Variants in NKIRAS1 observed in about 807,000 individuals in gnomAD.
NKIRAS1 encodes NF-kappa-B inhibitor-interacting Ras-like protein 1.
Under a neutral mutation model 19.8 loss-of-function variants are expected in NKIRAS1, and 16 were observed. The observed-to-expected ratio is 0.81, with a 90% confidence interval of 0.55 to 1.23. NKIRAS1 has a LOEUF of 1.23. NKIRAS1 is among the 50% of genes most tolerant of loss of function. The pLI, the probability that NKIRAS1 is intolerant of heterozygous loss-of-function variation, is 0.00. For missense variants in NKIRAS1, 184 were observed against 220.0 expected, an observed-to-expected ratio of 0.84 and a Z score of 1.04; for synonymous variants, 88 against 79.0, an observed-to-expected ratio of 1.11 and a Z score of -0.61.
intron 1 of NKIRAS1, chr3:23,923,199 T>C (rs1005971366): frequency 6.6e-6 from 1 of 151,260 alleles, no homozygotes; most frequent in Non-Finnish European, 1.5e-5. Context: ...GCTTATTCTT[T>C]ATCAGCTCAT....
At chr3:23,945,968 C>T (rs920761149) in intron 1 of NKIRAS1, among the ~76,000 whole-genome samples, 45 of 151,424 alleles carry the variant, frequency 3.0e-4, no homozygotes, top group Admixed American at 2.6e-3. Context: ...GGCGGGGACA[C>T]GTGAGGCCGC....
At chr3:23,946,224 G>C in intron 1 of NKIRAS1, 1 of 985,502 alleles carries the variant, frequency 1.0e-6, no homozygotes, top group Non-Finnish European at 1.2e-6. Flanking sequence ...ACACCGCAGT[G>C]CACCGGACGC....
chr3:23,904,174 C>T (rs1702795710), intron 3 of NKIRAS1, among the ~76,000 whole-genome samples: 1 of 152,140 alleles, frequency 6.6e-6, no homozygotes, highest in African/African-American at 2.4e-5. Context: ...AAGAAAAGAT[C>T]AATTCTATGA....
intron 3 of NKIRAS1, among the ~76,000 whole-genome samples, chr3:23,902,742 C>G (rs1055223345): frequency 6.6e-6 from 1 of 152,162 alleles, no homozygotes; most frequent in Non-Finnish European, 1.5e-5. Flanking sequence ...TGGGCAACTA[C>G]CCATCTCGCA....
intron 1 of NKIRAS1, chr3:23,945,134 G>A (rs1362445168): frequency 2.0e-5 from 3 of 150,644 alleles, no homozygotes; most frequent in African/African-American, 4.9e-5. Flanking sequence ...AAGGGGAGAA[G>A]GGGGAAGCGC....
At chr3:23,902,168 C>T (rs568830765) in intron 3 of NKIRAS1, among the ~76,000 whole-genome samples, 15 of 152,128 alleles carry the variant, frequency 9.9e-5, no homozygotes, top group Non-Finnish European at 1.9e-4. Flanking sequence ...CCCAATCATA[C>T]TATGTTATAG....
chr3:23,909,636 T>C lies in NKIRAS1; in HGVS notation c.94+1175A>G, dbSNP rs186400495. On this transcript the variant is annotated intron_variant, in intron 3 of 4. Coordinates refer to ENST00000425478, the MANE Select transcript of NKIRAS1 (RefSeq NM_020345.4). ...TTCATTCTAACCTGTGATATCTATC[T>C]TCCTTACTAAGCCATGACCTCCAGA... is the stretch of plus-strand genomic sequence containing the variant. Among the ~76,000 whole-genome samples the C allele has an allele frequency of 6.2e-3, 949 of 152,324 alleles. 6 individuals carry two copies. Among genetic ancestry groups the C allele is most frequent in the African/African-American group, 0.021 (890 of 41,564 alleles).
intron 1 of NKIRAS1, among the ~76,000 whole-genome samples, chr3:23,938,975 C>G (rs748593181): frequency 3.9e-5 from 6 of 152,214 alleles, no homozygotes; most frequent in Non-Finnish European, 7.3e-5. Flanking sequence ...GCTCCAACCC[C>G]CTGCTGTTTC....
At chr3:23,944,152 A>G (rs1427261745) in intron 1 of NKIRAS1, among the ~76,000 whole-genome samples, 2 of 152,198 alleles carry the variant, frequency 1.3e-5, no homozygotes, top group Non-Finnish European at 2.9e-5. Flanking sequence ...GATTGAATGG[A>G]GAATAAAAGG....
At chr3:23,908,029 T>C (rs1317802475) in intron 3 of NKIRAS1, among the ~76,000 whole-genome samples, 1 of 152,228 alleles carries the variant, frequency 6.6e-6, no homozygotes, top group Non-Finnish European at 1.5e-5. Flanking sequence ...ACAGTATTTG[T>C]TGTCAATAAA....
intron 1 of NKIRAS1, among the ~76,000 whole-genome samples, chr3:23,935,774 A>G (rs768115902): frequency 2.5e-4 from 38 of 152,012 alleles, no homozygotes; most frequent in Non-Finnish European, 4.9e-4. Context: ...ATCTATAGAT[A>G]GATAATTAGT....
intron 3 of NKIRAS1, among the ~76,000 whole-genome samples, chr3:23,906,404 A>G (rs990237655): frequency 6.6e-6 from 1 of 152,116 alleles, no homozygotes; most frequent in Non-Finnish European, 1.5e-5. Context: ...AAACAAAACA[A>G]AAAAAAGAAT....
chr3:23,906,004 CAAA>C (rs1475724128), intron 3 of NKIRAS1, among the ~76,000 whole-genome samples: 17 of 151,860 alleles, frequency 1.1e-4, no homozygotes, highest in Non-Finnish European at 2.4e-4. Flanking sequence ...ACTAAAAACA[CAAA>C]AATTAGCCAG....
upstream of NKIRAS1, chr3:23,921,570 G>GTTGT (rs1559513544): frequency 1.2e-3 from 595 of 508,500 alleles, 19 homozygotes; most frequent in Middle Eastern, 2.2e-3. Flanking sequence ...TGATTATTGA[G>GTTGT]TTTTTTTTTT....
At chr3:23,932,708 A>AG (rs1368376322) in intron 1 of NKIRAS1, among the ~76,000 whole-genome samples, 18 of 150,024 alleles carry the variant, frequency 1.2e-4, no homozygotes, top group Non-Finnish European at 2.2e-4. Context: ...AAAAAAAAAA[A>AG]GTAACTTCTA....
rs913618513 is a variant in NKIRAS1, at chr3:23,890,226, A to G, written c.*2869T>C. 6.6e-6 allele frequency among the ~76,000 whole-genome samples: 1 copy of G among 152,160 alleles called. No homozygotes were observed. Among genetic ancestry groups the G allele is most frequent in the African/African-American group, 2.4e-5 (1 of 41,424 alleles). Reference sequence around the variant, plus strand: ...TCTACTGAACTCAGCCTAACACATAAGAGTAAAGAAACTCCAATTGAGTGT... The same window carrying G: ...TCTACTGAACTCAGCCTAACACATAGGAGTAAAGAAACTCCAATTGAGTGT... On this transcript the variant is annotated 3_prime_UTR_variant, in exon 5 of 5. Transcript: ENST00000425478.
intron 1 of NKIRAS1, among the ~76,000 whole-genome samples, chr3:23,932,013 T>C (rs1319959747): frequency 1.3e-5 from 2 of 152,198 alleles, no homozygotes; most frequent in Non-Finnish European, 2.9e-5. Context: ...TTTTGTAAGC[T>C]ATACTACCCC....
intron 1 of NKIRAS1, among the ~76,000 whole-genome samples, chr3:23,931,476 C>T (rs1705314470): frequency 1.3e-5 from 2 of 152,302 alleles, no homozygotes; most frequent in South Asian, 4.1e-4. Flanking sequence ...GGATTCTTTA[C>T]TTAAATTTAA....
chr3:23,893,955 C>T (rs1365327879), intron 4 of NKIRAS1, among the ~76,000 whole-genome samples: 3 of 145,828 alleles, frequency 2.1e-5, no homozygotes, highest in Non-Finnish European at 3.1e-5. Context: ...TTTGGCTACA[C>T]TTGATGTATG....
Sources: allele counts gnomAD v4.1 joint callset (sites outside exome capture counted in the v4.1 genomes callset), GRCh38; gene constraint gnomAD v4.1.1; transcripts MANE v1.5; gene names NCBI Gene and HGNC (gene_info 2026-07-23, HGNC 2026-07-21).